The following KCNQ4 variants were observed in gnomAD, a reference collection of about 807,000 sequenced individuals.
KCNQ4 encodes the protein potassium voltage-gated channel subfamily KQT member 4.
In KCNQ4, 31 loss-of-function variants were observed where a neutral mutation model predicts 72.6. The ratio of observed to expected loss-of-function variants is 0.43; its 90% CI spans 0.32 to 0.58. The LOEUF is 0.58. Ranked by LOEUF, KCNQ4 falls within the 20% of genes least tolerant of loss-of-function variation. The probability of loss-of-function intolerance (pLI) is 0.08; values close to 1 mark genes in which losing one functional copy is unlikely to be tolerated. For synonymous variants in KCNQ4, 405 were observed against 403.7 expected (o/e 1.00, Z -0.04); for missense variants, 869 against 962.6 (o/e 0.90, Z 1.29).
rs1648170912 is a variant in KCNQ4, at chr1:40,818,533, C to T, written c.561C>T (p.Ala187=). Residue 187 remains alanine (A), a synonymous_variant, in exon 4 of 14, where the codon GCC becomes GCT. Transcript: ENST00000347132. ...TCATCGTGTTCGTGGCCTCGGTGGC[C>T]GTCATCGCCGCGGGTACCCAGGGCA... ...IDFIVFVASV[A]VIAAGTQGNI... 2 of 1,602,586 alleles carry T rather than the reference C, an allele frequency of 1.2e-6. No homozygotes were observed. Among genetic ancestry groups the T allele is most frequent in the Middle Eastern group, 1.7e-4 (1 of 6,006 alleles).
chr1:40,784,657 T>C lies in KCNQ4; in HGVS notation c.314+250T>C, dbSNP rs1647185864. Among the ~76,000 whole-genome samples the C allele has an allele frequency of 6.6e-6, 1 of 152,204 alleles. No individual in the cohort carries two copies. Among genetic ancestry groups the C allele is most frequent in the South Asian group, 2.1e-4 (1 of 4,830 alleles). On this transcript the variant is annotated intron_variant, in intron 1 of 13. Coordinates refer to ENST00000347132, the MANE Select transcript of KCNQ4 (RefSeq NM_004700.4). This position sits in a 1 kb window ranked among gnomAD's most constrained non-coding sequence, Gnocchi z 4.1. The stretch of plus-strand genomic sequence containing the variant: ...GCACCGCAACTGCTTATTTCCATCC[T>C]GACCGCCAATCTCTGCTCCTCTGTC...
chr1:40,832,034 G>A (rs1245274862), intron 10 of KCNQ4, among the ~76,000 whole-genome samples: 1 of 152,254 alleles, frequency 6.6e-6, no homozygotes, highest in Non-Finnish European at 1.5e-5. Context: ...TGTGGACCAT[G>A]CTGATGTCAC....
intron 1 of KCNQ4, among the ~76,000 whole-genome samples, chr1:40,804,369 A>T (rs1306653614): frequency 1.3e-5 from 2 of 152,172 alleles, no homozygotes; most frequent in African/African-American, 4.8e-5. Context: ...TCTGTCTCTG[A>T]TCTACTGTAT....
chr1:40,803,551 A>C (rs1366447674), intron 1 of KCNQ4, among the ~76,000 whole-genome samples: 1 of 152,222 alleles, frequency 6.6e-6, no homozygotes, highest in Non-Finnish European at 1.5e-5. Context: ...GAGGAAACTA[A>C]GAAGAGTATC....
At chr1:40,833,237 C>T (rs561789708) in intron 11 of KCNQ4, 124 bp downstream of exon 11, 9 of 685,330 alleles carry the variant, frequency 1.3e-5, no homozygotes, top group African/African-American at 5.3e-5. Flanking sequence ...GGTGAAACCC[C>T]GTCTCTACTA....
intron 1 of KCNQ4, among the ~76,000 whole-genome samples, chr1:40,803,899 C>A (rs1267273820): frequency 6.6e-6 from 1 of 152,226 alleles, no homozygotes; most frequent in African/African-American, 2.4e-5. Flanking sequence ...GTCTACAGAA[C>A]TCCTGGGCTG....
At chr1:40,836,157 C>A (rs553557810) in intron 12 of KCNQ4, among the ~76,000 whole-genome samples, 1 of 152,286 alleles carries the variant, frequency 6.6e-6, no homozygotes, top group East Asian at 1.9e-4. Context: ...CAGACTTCCA[C>A]GCATGAGACC....
At chr1:40,808,959 C>T (rs1647846652) in intron 1 of KCNQ4, among the ~76,000 whole-genome samples, 1 of 152,206 alleles carries the variant, frequency 6.6e-6, no homozygotes, top group Non-Finnish European at 1.5e-5. Context: ...CTGCCCCTCC[C>T]CTTTCTCACT....
In KCNQ4 at chr1:40,828,646, C is replaced by T. The variant is rs994970714; in HGVS notation, c.1293-2438C>T. Among the ~76,000 whole-genome samples the T allele has an allele frequency of 2.6e-4, 39 of 152,180 alleles. 2 individuals are homozygous for T. The highest frequency in any genetic ancestry group is 1.9e-4 in the East Asian group (1 of 5,194). ...TATATAAAATAGGGATGGTAAAGAC[C>T]GCCCACCACACACAGTGGCTGAGAG... is the stretch of plus-strand genomic sequence containing the variant. On this transcript the variant is annotated intron_variant, in intron 9 of 13. Transcript: ENST00000347132.
chr1:40,828,038 G>C (rs1291406294), intron 9 of KCNQ4, among the ~76,000 whole-genome samples: 1 of 152,200 alleles, frequency 6.6e-6, no homozygotes, highest in Non-Finnish European at 1.5e-5. Context: ...GGACAGGAAG[G>C]ACACAGCCAT....
At chr1:40,798,162 A>G (rs1045374082) in intron 1 of KCNQ4, among the ~76,000 whole-genome samples, 2 of 152,166 alleles carry the variant, frequency 1.3e-5, no homozygotes, top group Non-Finnish European at 1.5e-5. Flanking sequence ...AGGGGGAAAC[A>G]GGCTCAGAAC....
At chr1:40,820,037 C>G (rs747609148) in intron 6 of KCNQ4, 52 bp downstream of exon 6, 1 of 1,553,806 alleles carries the variant, frequency 6.4e-7, no homozygotes, top group Middle Eastern at 1.7e-4. Context: ...GGGACCTGCT[C>G]ACCCCTGTCA....
intron 7 of KCNQ4, among the ~76,000 whole-genome samples, chr1:40,822,032 T>C (rs1395737052): frequency 6.6e-6 from 1 of 152,216 alleles, no homozygotes; most frequent in African/African-American, 2.4e-5. Context: ...AGAGCTGGGA[T>C]TGGAAACCCA....
rs925479758 is a variant in KCNQ4, at chr1:40,784,309, C to G, written c.216C>G (p.Arg72=). 5.6e-6 allele frequency: 9 copies of G among 1,604,010 alleles called. No individual in the cohort carries two copies. The highest frequency in any genetic ancestry group is 6.8e-6 in the Non-Finnish European group (8 of 1,177,574). ...GCTCGGGCTCCGCCTGCGGCCAGCG[C>G]TCCTCGGCCGCGCACAAGCGCTACC... is the stretch of plus-strand genomic sequence containing the variant. ...GSGSGSACGQ[R]SSAAHKRYRR... Residue 72 remains arginine, a synonymous_variant, in exon 1 of 14, where the codon CGC becomes CGG. Coordinates refer to ENST00000347132, the MANE Select transcript of KCNQ4 (RefSeq NM_004700.4). This position sits in a 1 kb window ranked among gnomAD's most constrained non-coding sequence, Gnocchi z 4.1.
In KCNQ4 at chr1:40,837,652, C is replaced by G. The variant is rs1284334813; in HGVS notation, c.1746-13C>G. 1 of 1,611,482 alleles carries G rather than the reference C, an allele frequency of 6.2e-7. No homozygotes were observed. Among genetic ancestry groups the G allele is most frequent in the South Asian group, 1.1e-5 (1 of 90,704 alleles). The stretch of plus-strand genomic sequence containing the variant: ...CGTGTCCCCGGGCCCTCTGATGGTT[C>G]CCTTACCCTTAGGGTGGACCAAATT... On this transcript the variant is annotated splice_polypyrimidine_tract_variant and intron_variant, in intron 12 of 13. Transcript: ENST00000347132.
chr1:40,818,032 A>C (rs1391294866), intron 2 of KCNQ4, 132 bp from the exon 3 acceptor site: 5 of 1,212,242 alleles, frequency 4.1e-6, no homozygotes, highest in Non-Finnish European at 6.0e-6. Flanking sequence ...CGTCAAGTCC[A>C]GGAAACTCCA....
intron 1 of KCNQ4, among the ~76,000 whole-genome samples, chr1:40,808,402 T>A (rs1206121134): frequency 1.3e-5 from 2 of 152,138 alleles, no homozygotes; most frequent in Admixed American, 6.5e-5. Flanking sequence ...ATGTTCCAGG[T>A]CTGAAGAGCC....
At chr1:40,787,427 G>A (rs1311835425) in intron 1 of KCNQ4, among the ~76,000 whole-genome samples, 2 of 152,148 alleles carry the variant, frequency 1.3e-5, no homozygotes, top group Non-Finnish European at 2.9e-5. Context: ...TGAGAGGAGC[G>A]CATTCGCCCT....
chr1:40,834,839 G>C (rs555375181), intron 11 of KCNQ4, 128 bp from the exon 12 acceptor site: 2 of 1,247,728 alleles, frequency 1.6e-6, no homozygotes, highest in Admixed American at 1.8e-5. Flanking sequence ...CGCAGCAGAG[G>C]CTGTTCATGG....
Sources: allele counts gnomAD v4.1 joint callset (sites outside exome capture counted in the v4.1 genomes callset), GRCh38; gene constraint gnomAD v4.1.1; non-coding constraint Gnocchi (gnomAD v3.1); transcripts MANE v1.5; gene names NCBI Gene and HGNC (gene_info 2026-07-23, HGNC 2026-07-21).